The following TLR1 variants were observed in gnomAD, a reference collection of about 807,000 sequenced individuals.
TLR1 encodes toll like receptor 1.
Under a neutral mutation model 20.2 loss-of-function variants are expected in TLR1, and 19 were observed. The ratio of observed to expected loss-of-function variants is 0.94; its 90% CI spans 0.66 to 1.38. TLR1 has a LOEUF of 1.38. Ranked by LOEUF, TLR1 falls within the 40% of genes most tolerant of loss-of-function variation. The probability of loss-of-function intolerance (pLI) is 0.00; values close to 1 mark genes in which losing one functional copy is unlikely to be tolerated. For missense variants in TLR1, 921 were observed against 910.0 expected (o/e 1.01, Z -0.16); for synonymous variants, 320 against 334.5 (o/e 0.96, Z 0.47).
intron 3 of TLR1, among the ~76,000 whole-genome samples, chr4:38,799,722 C>G (rs1726502205): frequency 6.6e-6 from 1 of 152,174 alleles, no homozygotes; most frequent in Non-Finnish European, 1.5e-5. Context: ...GACTGCTCTT[C>G]TATTACCCTT....
intron 2 of TLR1, 89 bp downstream of exon 2, chr4:38,804,217 A>G (rs1326361807): frequency 6.6e-6 from 1 of 152,176 alleles, no homozygotes; most frequent in Non-Finnish European, 1.5e-5. Flanking sequence ...ATTCTACCTC[A>G]CGTCTAGCTC....
downstream of TLR1, among the ~76,000 whole-genome samples, chr4:38,793,000 G>A (rs565391766): frequency 5.3e-5 from 8 of 151,970 alleles, no homozygotes; most frequent in Non-Finnish European, 8.8e-5. Context: ...GGTCCCCCGA[G>A]TGAGGTGTGA....
chr4:38,792,575 C>T (rs1177974059), downstream of TLR1, among the ~76,000 whole-genome samples: 1 of 151,984 alleles, frequency 6.6e-6, no homozygotes, highest in Non-Finnish European at 1.5e-5. Context: ...TGCCACCACA[C>T]CAGGCCCTAT....
chr4:38,796,223 A>T, downstream of TLR1: 1 of 468,180 alleles, frequency 2.1e-6, no homozygotes, highest in Non-Finnish European at 3.8e-6. Flanking sequence ...TAAATTCAGA[A>T]CTCAGTTATA....
rs55812771 is a variant in TLR1, at chr4:38,797,285, A to T, written c.1547T>A (p.Met516Lys). The change falls in exon 4 of 4, where the codon ATG becomes AAG. Residue 516 changes from methionine (M) to lysine (K), a missense_variant. By Grantham distance (95) the Met-to-Lys change is moderately conservative. Transcript: ENST00000308979. The part of the protein sequence containing the change: ...SADFFQSCQK[M>K]RSIKAGDNPF... Reference sequence around the variant, plus strand: ...ATTGTCCCCTGCTTTTATTGACCTCATCTTCTGGCAGCTCTGGAAGAAATC... The same window carrying T: ...ATTGTCCCCTGCTTTTATTGACCTCTTCTTCTGGCAGCTCTGGAAGAAATC... 2.5e-6 allele frequency: 4 copies of T among 1,614,176 alleles called. No individual in the cohort carries two copies. Among genetic ancestry groups the T allele is most frequent in the Non-Finnish European group, 3.4e-6 (4 of 1,180,028 alleles).
At chr4:38,796,194 G>A, downstream of TLR1, 1 of 396,210 alleles carries the variant, frequency 2.5e-6, no homozygotes, top group African/African-American at 2.0e-5. Flanking sequence ...AAAAACAGGT[G>A]CTTCCCTTGA....
Position 38,796,995 on chromosome 4 carries a change from C to G in TLR1, c.1837G>C (p.Val613Leu). The change falls in exon 4 of 4, where the codon GTG becomes CTG. Residue 613 changes from valine (V) to leucine (L), a missense_variant. Val to Leu is a conservative substitution (Grantham distance 32). Coordinates refer to ENST00000308979, the MANE Select transcript of TLR1 (RefSeq NM_003263.4). The part of the protein sequence containing the change: ...YLDLPWYLRM[V>L]CQWTQTRRRA... Reference sequence around the variant, plus strand: ...CGCCGGGTCTGGGTCCACTGGCACACCATCCTGAGATACCAGGGCAGATCC... The same window carrying G: ...CGCCGGGTCTGGGTCCACTGGCACAGCATCCTGAGATACCAGGGCAGATCC... The G allele has an allele frequency of 6.2e-7, 1 of 1,614,196 alleles. No individual in the cohort carries two copies. Among genetic ancestry groups the G allele is most frequent in the Non-Finnish European group, 8.5e-7 (1 of 1,180,036 alleles).
Position 38,798,073 on chromosome 4 carries a change from G to T in TLR1, c.759C>A (p.Asn253Lys). The T allele has an allele frequency of 6.2e-7, 1 of 1,613,622 alleles. No individual in the cohort carries two copies. Among genetic ancestry groups the T allele is most frequent in the Non-Finnish European group, 8.5e-7 (1 of 1,179,592 alleles). ...TGAAAGAATTCCAAGTTGTTTCAAT[G>T]TTGTTTAAGGTAAGATTTGATAACT... ...NPKLSNLTLN[N>K]IETTWNSFIR... Residue 253 changes from asparagine (N) to lysine (K), a missense_variant, in exon 4 of 4, where the codon AAC (asparagine) becomes AAA (lysine). Transcript: ENST00000308979.
Position 38,798,782 on chromosome 4 carries a change from A to T in TLR1, c.50T>A (p.Ile17Asn), listed in dbSNP as rs147564337. The T allele has an allele frequency of 5.5e-5, 88 of 1,609,758 alleles. No individual in the cohort carries two copies. In the African/African-American group the frequency reaches 1.1e-3, roughly 20 times the overall value. The stretch of plus-strand genomic sequence containing the variant: ...ACTTTCTTCAGATAATTGTATTCTG[A>T]TCTGAAGTATTAACATGAAGATAAT... ...FAIIFMLILQ[I>N]RIQLSEESEF... Residue 17 changes from isoleucine to asparagine, a missense_variant, in exon 4 of 4, where the codon ATC (isoleucine) becomes AAC (asparagine). Physicochemically the swap from Ile to Asn is moderately radical, Grantham distance 149. Transcript: ENST00000308979.
downstream of TLR1, among the ~76,000 whole-genome samples, chr4:38,792,899 A>T (rs1725807227): frequency 6.8e-6 from 1 of 147,376 alleles, no homozygotes; most frequent in Non-Finnish European, 1.5e-5. Context: ...TTGCCCTCCT[A>T]TTATTGCCAT....
downstream of TLR1, among the ~76,000 whole-genome samples, chr4:38,795,681 T>C (rs554608097): frequency 3.3e-5 from 5 of 152,182 alleles, no homozygotes; most frequent in East Asian, 9.6e-4. Flanking sequence ...CAGTGGCAAG[T>C]AGTTTATCAC....
upstream of TLR1, chr4:38,805,155 C>G (rs1032297435): frequency 1.3e-5 from 2 of 152,218 alleles, no homozygotes; most frequent in African/African-American, 4.8e-5. Flanking sequence ...GGGTGTGTTT[C>G]GGCTGCTTTG....
chr4:38,794,440 T>C (rs1221364000), downstream of TLR1: 5 of 152,192 alleles, frequency 3.3e-5, no homozygotes, highest in Admixed American at 2.6e-4. Flanking sequence ...AGTCTTAATA[T>C]AACTTTCCAC....
chr4:38,793,716 A>T (rs1725858437), downstream of TLR1, among the ~76,000 whole-genome samples: 1 of 152,142 alleles, frequency 6.6e-6, no homozygotes, highest in Non-Finnish European at 1.5e-5. Context: ...TTTCGGATTT[A>T]CAGGGTGTAA....
At chr4:38,792,573 C>A (rs943363635), downstream of TLR1, among the ~76,000 whole-genome samples, 1 of 152,044 alleles carries the variant, frequency 6.6e-6, no homozygotes, top group Non-Finnish European at 1.5e-5. Flanking sequence ...TGTGCCACCA[C>A]ACCAGGCCCT....
chr4:38,798,714 G>C lies in TLR1; in HGVS notation c.118C>G (p.Pro40Ala). ...DRSKNGLIHV[P>A]KDLSQKTTIL... is the part of the protein sequence containing the mutation. ...GTTGTTTTCTGGGATAGGTCTTTAG[G>C]AACGTGGATGAGACCGTTTTTTGAC... is the stretch of plus-strand genomic sequence containing the variant. The change falls in exon 4 of 4, where the codon CCT (proline) becomes GCT (alanine). Residue 40 changes from proline (P) to alanine (A), a missense_variant. Transcript: ENST00000308979. 1.9e-6 allele frequency: 3 copies of C among 1,613,762 alleles called. No individual in the cohort carries two copies. Among genetic ancestry groups the C allele is most frequent in the Non-Finnish European group, 2.5e-6 (3 of 1,179,982 alleles).
At position 38,798,620 on chromosome 4, in the gene TLR1, A is replaced by C. The variant is rs775751893; in HGVS notation, c.212T>G (p.Leu71Arg). ...ATTATGAGAAATTATCAAAATCCTC[A>C]GTTTTGACAGTGATAAGATGTCAGA... ...WTSDILSLSK[L>R]RILIISHNRI... The change falls in exon 4 of 4, where the codon CTG (leucine) becomes CGG (arginine). Residue 71 changes from leucine to arginine, a missense_variant. Physicochemically the swap from Leu to Arg is moderately radical, Grantham distance 102 (BLOSUM62 -2). Transcript: ENST00000308979. The C allele has an allele frequency of 8.7e-6, 14 of 1,613,512 alleles. No individual in the cohort carries two copies. The highest frequency in any genetic ancestry group is 1.2e-5 in the Non-Finnish European group (14 of 1,179,594).
intron 3 of TLR1, among the ~76,000 whole-genome samples, chr4:38,800,029 T>C (rs1193219637): frequency 6.6e-6 from 1 of 152,168 alleles, no homozygotes; most frequent in Non-Finnish European, 1.5e-5. Flanking sequence ...ATTGTAGGTA[T>C]GAGACAGTGC....
downstream of TLR1, among the ~76,000 whole-genome samples, chr4:38,795,968 G>A (rs1726018780): frequency 6.6e-6 from 1 of 152,158 alleles, no homozygotes; most frequent in Non-Finnish European, 1.5e-5. Flanking sequence ...TGCCCTTTGT[G>A]TGGGCATGAT....
Sources: gnomAD v4.1 joint callset for allele counts (sites outside exome capture counted in the v4.1 genomes callset) on GRCh38, gnomAD v4.1.1 for gene constraint, MANE v1.5 for transcripts, NCBI Gene and HGNC (gene_info 2026-07-23, HGNC 2026-07-21) for gene names.